Variants in NCKAP5 observed in about 807,000 individuals in gnomAD.
NCKAP5 encodes the protein NCK associated protein 5.
NCKAP5 carries 92 observed loss-of-function variants against 167.0 expected under a neutral mutation model. The observed-to-expected ratio is 0.55, with a 90% CI of 0.47 to 0.66. The LOEUF (loss-of-function observed/expected upper bound fraction) is 0.66. Ranked by LOEUF, NCKAP5 falls within the 30% of genes least tolerant of loss-of-function variation. NCKAP5 has a pLI of 0.00. For synonymous variants in NCKAP5, 891 were observed against 877.4 expected, an observed-to-expected ratio of 1.02 and a Z score of -0.27; for missense variants, 2,378 against 2,315.0, an observed-to-expected ratio of 1.03 and a Z score of -0.56.
chr2:133,164,380 G>A (rs2083919126), intron 5 of NCKAP5, among the ~76,000 whole-genome samples: 1 of 152,156 alleles, frequency 6.6e-6, no homozygotes, highest in South Asian at 2.1e-4. Flanking sequence ...TTTGAATCCT[G>A]GTTTTGACTC....
At chr2:133,142,340 G>C (rs2083031141) in intron 5 of NCKAP5, among the ~76,000 whole-genome samples, 1 of 152,098 alleles carries the variant, frequency 6.6e-6, no homozygotes, top group Non-Finnish European at 1.5e-5. Flanking sequence ...ACAAAAGATA[G>C]GCCAGTGTGG....
At position 132,784,712 on chromosome 2, in the gene NCKAP5, G is replaced by A. The variant is rs761986047; in HGVS notation, c.2099C>T (p.Ser700Leu). Residue 700 changes from serine (S) to leucine (L), a missense_variant, in exon 14 of 20, where the codon TCA (serine) becomes TTA (leucine). By Grantham distance (145) the Ser-to-Leu change is moderately radical (BLOSUM62 -2). This residue lies in a region of NCKAP5 where 1,049 missense variants were observed against 1,023.4 expected (regional missense o/e 1.02). Transcript: ENST00000409261. ...TVTRNEISIN[S>L]TPAGPKAEHT... ...TTCTGCCTTGGGTCCAGCAGGAGTTGAATTGATGGAAATCTCATTTCTGGT... is the reference window on the plus strand; with the variant it reads ...TTCTGCCTTGGGTCCAGCAGGAGTTAAATTGATGGAAATCTCATTTCTGGT... 22 of 1,613,904 alleles carry A rather than the reference G, an allele frequency of 1.4e-5. No individual in the cohort carries two copies. The South Asian group carries it at 2.4e-4, about 18-fold the overall frequency.
intron 16 of NCKAP5, among the ~76,000 whole-genome samples, chr2:132,751,378 G>A (rs1163899338): frequency 6.6e-6 from 1 of 152,096 alleles, no homozygotes; most frequent in Admixed American, 6.5e-5. Context: ...CACCATGCTT[G>A]TACGGCCTGC....
chr2:133,531,041 C>T (rs73960259), intron 2 of NCKAP5, among the ~76,000 whole-genome samples: 4,243 of 152,076 alleles, frequency 0.028, 149 homozygotes, highest in East Asian at 0.17. Context: ...AAGTAACCAA[C>T]TTATTGGGGT....
chr2:133,597,456 T>C, the NCKAP5 span, among the ~76,000 whole-genome samples: 1 of 151,686 alleles, frequency 6.6e-6, no homozygotes, highest in Non-Finnish European at 1.5e-5. Context: ...GATCACGAGG[T>C]CAGGAGACCG....
chr2:133,599,520 A>C, the NCKAP5 span, among the ~76,000 whole-genome samples: 1 of 152,198 alleles, frequency 6.6e-6, no homozygotes, highest in Non-Finnish European at 1.5e-5. Context: ...CTTTTGGCTA[A>C]AGAGAAGCAT....
At chr2:132,712,771 A>G (rs1266377292) in intron 19 of NCKAP5, among the ~76,000 whole-genome samples, 1 of 152,252 alleles carries the variant, frequency 6.6e-6, no homozygotes, top group East Asian at 1.9e-4. Context: ...CCAAGGATTC[A>G]GTATGAAACA....
intron 5 of NCKAP5, among the ~76,000 whole-genome samples, chr2:133,169,258 A>T (rs989672617): frequency 6.6e-6 from 1 of 152,218 alleles, no homozygotes; most frequent in Admixed American, 6.5e-5. Context: ...TTGCCGTTCC[A>T]TTCTAGAATT....
intron 5 of NCKAP5, among the ~76,000 whole-genome samples, chr2:133,179,154 G>T (rs1275467699): frequency 6.7e-6 from 1 of 149,716 alleles, no homozygotes; most frequent in East Asian, 1.9e-4. Context: ...AAAAACAAAA[G>T]AAAGCAAAAA....
At chr2:133,670,853 G>A in the NCKAP5 span, among the ~76,000 whole-genome samples, 2 of 152,144 alleles carry the variant, frequency 1.3e-5, no homozygotes, top group African/African-American at 4.8e-5. Context: ...CCTGCCAGAG[G>A]TGTCAGGTTA....
intron 7 of NCKAP5, among the ~76,000 whole-genome samples, chr2:132,988,986 T>C (rs1404717775): frequency 6.6e-6 from 1 of 152,158 alleles, no homozygotes; most frequent in African/African-American, 2.4e-5. Flanking sequence ...TGGGTCCTTT[T>C]CCCCCCAGTT....
At chr2:132,855,816 T>G (rs1289289872) in intron 11 of NCKAP5, among the ~76,000 whole-genome samples, 2 of 152,158 alleles carry the variant, frequency 1.3e-5, no homozygotes, top group Admixed American at 1.3e-4. Flanking sequence ...CAACTACATA[T>G]ATGTGAAAGA....
chr2:133,514,767 A>G (rs1683838997), intron 3 of NCKAP5, among the ~76,000 whole-genome samples: 1 of 152,140 alleles, frequency 6.6e-6, no homozygotes, highest in Non-Finnish European at 1.5e-5. Flanking sequence ...TTCCTGGGAT[A>G]GTATATAATG....
At chr2:132,958,407 C>T (rs539440833) in intron 8 of NCKAP5, among the ~76,000 whole-genome samples, 80 of 152,214 alleles carry the variant, frequency 5.3e-4, no homozygotes, top group African/African-American at 1.7e-3. Flanking sequence ...GTCTCCCTGC[C>T]CCTCCTATGT....
At chr2:133,652,565 C>A in the NCKAP5 span, among the ~76,000 whole-genome samples, 5 of 152,216 alleles carry the variant, frequency 3.3e-5, no homozygotes, top group African/African-American at 1.2e-4. Context: ...AGTATGCATT[C>A]TTGGTAGCTA....
intron 4 of NCKAP5, among the ~76,000 whole-genome samples, chr2:133,219,462 G>T (rs1360353924): frequency 6.6e-6 from 1 of 152,190 alleles, no homozygotes; most frequent in African/African-American, 2.4e-5. Context: ...ATCTCTCAGG[G>T]GTCCAAGGGA....
intron 15 of NCKAP5, 55 bp downstream of exon 15, chr2:132,780,997 C>G: frequency 6.4e-7 from 1 of 1,552,206 alleles, no homozygotes; most frequent in Non-Finnish European, 8.7e-7. Context: ...TAGAAAGACC[C>G]CAGCCAGAAC....
rs896209874 is a variant in NCKAP5, at chr2:133,310,561, A to G, written c.70-7451T>C. Among the ~76,000 whole-genome samples, 4 of 152,212 alleles carry G rather than the reference A, an allele frequency of 2.6e-5. No homozygotes were observed. In the East Asian group the frequency reaches 7.7e-4, roughly 29 times the overall value. On this transcript the variant is annotated intron_variant, in intron 3 of 19. Coordinates refer to ENST00000409261, the MANE Select transcript of NCKAP5 (RefSeq NM_207363.3). ...GTATTCTCTGAAAGTGTCTCCCCGT[A>G]TTCCATCACTCTGAGGTCCAGCATG... is the stretch of plus-strand genomic sequence containing the variant.
chr2:133,620,718 T>C, the NCKAP5 span, among the ~76,000 whole-genome samples: 5,929 of 152,102 alleles, frequency 0.039, 401 homozygotes, highest in African/African-American at 0.14. Context: ...GTCATCAAGA[T>C]GGAAAGTCAA....
Sources: allele counts gnomAD v4.1 joint callset (sites outside exome capture counted in the v4.1 genomes callset), GRCh38; gene constraint gnomAD v4.1.1; regional missense constraint gnomAD v4.1.1; transcripts MANE v1.5; gene names NCBI Gene and HGNC (gene_info 2026-07-23, HGNC 2026-07-21).